SPATS2L: variants seen among roughly 807,000 people sequenced by gnomAD.
SPATS2L encodes the protein spermatogenesis associated serine rich 2 like, also known as SPATS2-like protein.
SPATS2L carries 30 observed loss-of-function variants against 59.6 expected under a neutral mutation model. That is an observed-to-expected ratio of 0.50 (90% CI 0.38 to 0.68). SPATS2L has a LOEUF of 0.68. SPATS2L is among the 30% of genes least tolerant of loss of function. The probability of loss-of-function intolerance (pLI) is 0.00; values close to 1 mark genes in which losing one functional copy is unlikely to be tolerated. For missense variants in SPATS2L, 615 were observed against 700.0 expected (o/e 0.88, Z 1.37); for synonymous variants, 252 against 263.5 (o/e 0.96, Z 0.42).
At chr2:200,397,757 G>A (rs2082401787) in intron 3 of SPATS2L, among the ~76,000 whole-genome samples, 1 of 152,014 alleles carries the variant, frequency 6.6e-6, no homozygotes, top group South Asian at 2.1e-4. Context: ...TAGGGAGGAA[G>A]AAGGAAGTGG....
At chr2:200,330,199 C>T (rs1426915966) in intron 2 of SPATS2L, among the ~76,000 whole-genome samples, 1 of 152,210 alleles carries the variant, frequency 6.6e-6, no homozygotes, top group Non-Finnish European at 1.5e-5. Context: ...AATTGATATT[C>T]AATAAAACAG....
intron 1 of SPATS2L, 106 bp from the exon 2 acceptor site, chr2:200,329,324 CT>C: frequency 2.1e-6 from 2 of 931,296 alleles, no homozygotes; most frequent in South Asian, 3.0e-5. Context: ...AATTCCCTGT[CT>C]TCTTGACTCC....
intron 3 of SPATS2L, among the ~76,000 whole-genome samples, chr2:200,394,395 A>C (rs1352182856): frequency 6.6e-6 from 1 of 152,068 alleles, no homozygotes; most frequent in African/African-American, 2.4e-5. Flanking sequence ...TTCCTCTGTC[A>C]TTCACCTTGT....
intron 6 of SPATS2L, among the ~76,000 whole-genome samples, chr2:200,431,330 T>C (rs1400809885): frequency 1.3e-5 from 2 of 152,222 alleles, no homozygotes; most frequent in Non-Finnish European, 2.9e-5. Context: ...AATTGTATTA[T>C]CAGGTATCAA....
chr2:200,396,049 T>A (rs1360530517), intron 3 of SPATS2L, among the ~76,000 whole-genome samples: 31 of 75,940 alleles, frequency 4.1e-4, no homozygotes, highest in South Asian at 5.6e-4. Context: ...TATATATATA[T>A]ATATATATAT....
At chr2:200,341,321 A>G (rs1255801283) in intron 2 of SPATS2L, among the ~76,000 whole-genome samples, 15 of 152,180 alleles carry the variant, frequency 9.9e-5, no homozygotes, top group South Asian at 2.1e-4. Context: ...ACTAAACTCA[A>G]TAACTCAAGT....
At chr2:200,452,478 C>T (rs2085528265) in intron 8 of SPATS2L, among the ~76,000 whole-genome samples, 1 of 152,080 alleles carries the variant, frequency 6.6e-6, no homozygotes, top group African/African-American at 2.4e-5. Context: ...GTGTCTCATC[C>T]CAGAAATGCA....
chr2:200,397,459 G>A (rs902864431), intron 3 of SPATS2L, among the ~76,000 whole-genome samples: 3 of 152,006 alleles, frequency 2.0e-5, no homozygotes, highest in African/African-American at 2.4e-5. Flanking sequence ...AAATCTGTTC[G>A]GATAGATTAG....
chr2:200,356,919 CCCACT>C (rs1419476344), intron 2 of SPATS2L, among the ~76,000 whole-genome samples: 3 of 152,166 alleles, frequency 2.0e-5, no homozygotes, highest in Admixed American at 6.5e-5. Flanking sequence ...AGATAACTAA[CCCACT>C]CCTGCAATAA....
intron 4 of SPATS2L, among the ~76,000 whole-genome samples, chr2:200,416,124 TATA>T (rs2083046845): frequency 6.6e-6 from 1 of 152,094 alleles, no homozygotes; most frequent in Admixed American, 6.5e-5. Flanking sequence ...CGTACGACAA[TATA>T]ATGATAAAAA....
At chr2:200,336,041 T>C (rs1222327970) in intron 2 of SPATS2L, among the ~76,000 whole-genome samples, 2 of 152,230 alleles carry the variant, frequency 1.3e-5, no homozygotes, top group African/African-American at 4.8e-5. Context: ...ATTTTAGTTT[T>C]AACAAAACCT....
At chr2:200,468,783 C>G (rs1250023365) in intron 10 of SPATS2L, among the ~76,000 whole-genome samples, 2 of 152,212 alleles carry the variant, frequency 1.3e-5, no homozygotes, top group Non-Finnish European at 2.9e-5. Context: ...GAAAGAAATT[C>G]ACAGCTGGAC....
chr2:200,353,051 G>T (rs1372979920), intron 2 of SPATS2L, among the ~76,000 whole-genome samples: 1 of 152,156 alleles, frequency 6.6e-6, no homozygotes, highest in Non-Finnish European at 1.5e-5. Flanking sequence ...TCTTGCTGTG[G>T]TTCTGAGAAA....
chr2:200,385,697 AT>A (rs1048488072), intron 2 of SPATS2L, among the ~76,000 whole-genome samples: 252 of 144,906 alleles, frequency 1.7e-3, no homozygotes, highest in Middle Eastern at 3.7e-3. Flanking sequence ...TAAACTTAAA[AT>A]TTTTTTTTTT....
At position 200,478,117 on chromosome 2, in the gene SPATS2L, CAG is replaced by C; in HGVS notation, c.*88_*89del. 1 of 1,269,208 alleles carries C rather than the reference CAG, an allele frequency of 7.9e-7. No individual in the cohort carries two copies. The highest frequency in any genetic ancestry group is 1.5e-5 in the South Asian group (1 of 65,454). 78.6% of individuals were successfully genotyped at this position (1,269,208 alleles called of 1,614,324 possible). ...AATTCGCTGCCAAAAGAGTGTCAAT[CAG>C]AATATACAAATCCCGTATGGTTGTG... On this transcript the variant is annotated 3_prime_UTR_variant, in exon 13 of 13. Transcript: ENST00000409140.
chr2:200,374,315 G>T (rs1430353727), intron 2 of SPATS2L, among the ~76,000 whole-genome samples: 1 of 152,140 alleles, frequency 6.6e-6, no homozygotes, highest in Admixed American at 6.5e-5. Context: ...TACCTGCAGT[G>T]CCATTCCGAT....
At chr2:200,452,479 C>G (rs1321409232) in intron 8 of SPATS2L, among the ~76,000 whole-genome samples, 3 of 152,152 alleles carry the variant, frequency 2.0e-5, no homozygotes, top group Non-Finnish European at 4.4e-5. Flanking sequence ...TGTCTCATCC[C>G]AGAAATGCAC....
chr2:200,348,386 A>G (rs917232075), intron 2 of SPATS2L, among the ~76,000 whole-genome samples: 9 of 152,256 alleles, frequency 5.9e-5, no homozygotes, highest in South Asian at 2.1e-4. Flanking sequence ...ATGGACTTCA[A>G]TTAGCTTTGG....
At chr2:200,362,634 T>A (rs1345595672) in intron 2 of SPATS2L, among the ~76,000 whole-genome samples, 1 of 152,194 alleles carries the variant, frequency 6.6e-6, no homozygotes, top group Admixed American at 6.5e-5. Flanking sequence ...ATGGAAATTA[T>A]GACCTTTAGA....
Sources: gnomAD v4.1 joint callset for allele counts (sites outside exome capture counted in the v4.1 genomes callset) on GRCh38, gnomAD v4.1.1 for gene constraint, MANE v1.5 for transcripts, NCBI Gene and HGNC (gene_info 2026-07-23, HGNC 2026-07-21) for gene names.